The following ANO4 variants were observed in gnomAD, a reference collection of about 807,000 sequenced individuals.
The protein encoded by ANO4 is anoctamin-4.
In ANO4, 69 loss-of-function variants were observed where a neutral mutation model predicts 141.9. The ratio of observed to expected loss-of-function variants is 0.49; its 90% CI spans 0.40 to 0.59. The LOEUF (loss-of-function observed/expected upper bound fraction) is 0.59. Among genes scored for constraint, ANO4 ranks in the 20% least tolerant of loss-of-function variants. The pLI is 0.00. For missense variants in ANO4, 894 were observed against 1,162.2 expected (o/e 0.77, Z 3.36); for synonymous variants, 350 against 394.3 (o/e 0.89, Z 1.33).
intron 1 of ANO4, among the ~76,000 whole-genome samples, chr12:100,875,022 T>C (rs1487405133): frequency 6.6e-6 from 1 of 152,132 alleles, no homozygotes; most frequent in Non-Finnish European, 1.5e-5. Context: ...CTTTGGACCA[T>C]GGAGTTTTGA....
intron 3 of ANO4, among the ~76,000 whole-genome samples, chr12:100,752,624 G>C (rs1262928142): frequency 3.3e-5 from 5 of 151,958 alleles, no homozygotes; most frequent in Admixed American, 6.6e-5. Flanking sequence ...GTGTGTGTGA[G>C]GTCTGTTGTA....
Position 100,765,382 on chromosome 12 carries a change from T to TC in ANO4, c.358+25277_358+25278insC, listed in dbSNP as rs3058368. On this transcript the variant is annotated intron_variant, in intron 3 of 29. Transcript: ENST00000644049. ...TCTGTTTATATTTTCTTTCTTTCTT[T>TC]TTTTTTTTTTTTTTGAGACAGGGTT... Among the ~76,000 whole-genome samples the TC allele has an allele frequency of 4.5e-3, 662 of 146,288 alleles. 7 individuals are homozygous for TC. The highest frequency in any genetic ancestry group is 0.016 in the African/African-American group (622 of 39,762).
chr12:100,831,948 T>A (rs1408840762), intron 1 of ANO4, among the ~76,000 whole-genome samples: 1 of 152,140 alleles, frequency 6.6e-6, no homozygotes, highest in Admixed American at 6.6e-5. Flanking sequence ...TTAATATTTA[T>A]TGAGAAGTAT....
chr12:100,906,947 G>T (rs1218483033), intron 2 of ANO4, among the ~76,000 whole-genome samples: 6 of 152,186 alleles, frequency 3.9e-5, no homozygotes, highest in Non-Finnish European at 7.3e-5. Flanking sequence ...TTAGAGCAAG[G>T]TGAATGGGGC....
rs543803456 is a variant in ANO4, at chr12:100,848,887, C to T, written c.-140-52759C>T. On this transcript the variant is annotated intron_variant, in intron 1 of 27. Coordinates refer to ENST00000392977, the MANE Select transcript of ANO4 (RefSeq NM_001286615.2). ...GTGCCTTATCTCTTCCCTTTCTTTT[C>T]CTACTTATCACACTGTATTGATTTG... Among the ~76,000 whole-genome samples the T allele has an allele frequency of 1.7e-4, 26 of 152,230 alleles. No individual in the cohort carries two copies. In the South Asian group the frequency reaches 4.6e-3, roughly 27 times the overall value.
chr12:100,992,407 G>A (rs2045173961), intron 8 of ANO4, among the ~76,000 whole-genome samples: 1 of 152,006 alleles, frequency 6.6e-6, no homozygotes, highest in African/African-American at 2.4e-5. Flanking sequence ...CTCTGCCCCA[G>A]GACATTTGCA....
chr12:101,060,788 T>G (rs1263117289), intron 14 of ANO4, among the ~76,000 whole-genome samples: 3 of 152,194 alleles, frequency 2.0e-5, no homozygotes, highest in Non-Finnish European at 4.4e-5. Context: ...TGGAGATGGA[T>G]CTCCTGAATA....
intron 1 of ANO4, among the ~76,000 whole-genome samples, chr12:100,887,885 G>C (rs908894225): frequency 6.6e-6 from 1 of 152,204 alleles, no homozygotes; most frequent in Admixed American, 6.5e-5. Context: ...ATGTCTAGCT[G>C]TGGGAGGTCA....
intron 1 of ANO4, among the ~76,000 whole-genome samples, chr12:100,811,632 G>T (rs1158737028): frequency 6.6e-6 from 1 of 152,172 alleles, no homozygotes; most frequent in Non-Finnish European, 1.5e-5. Context: ...GATGAAATCA[G>T]AACTGAATGA....
At chr12:100,955,374 G>A (rs2043138061) in intron 5 of ANO4, among the ~76,000 whole-genome samples, 1 of 152,196 alleles carries the variant, frequency 6.6e-6, no homozygotes, top group Non-Finnish European at 1.5e-5. Context: ...TGAAAGCTCA[G>A]TCAGGGTTGT....
chr12:100,808,513 C>T (rs924915298), intron 1 of ANO4, among the ~76,000 whole-genome samples: 4 of 152,138 alleles, frequency 2.6e-5, no homozygotes, highest in Admixed American at 6.5e-5. Flanking sequence ...CCCAACCTGT[C>T]GTCACACAGG....
At chr12:100,762,273 C>G (rs1480668990) in intron 3 of ANO4, among the ~76,000 whole-genome samples, 1 of 152,080 alleles carries the variant, frequency 6.6e-6, no homozygotes, top group Non-Finnish European at 1.5e-5. Flanking sequence ...GGTGAAAATA[C>G]CACCTTTTTT....
At chr12:101,119,127 T>G (rs955626984) in intron 25 of ANO4, among the ~76,000 whole-genome samples, 1 of 152,048 alleles carries the variant, frequency 6.6e-6, no homozygotes, top group African/African-American at 2.4e-5. Context: ...TTGATGGAGC[T>G]TTCTTTTTCA....
chr12:101,081,310 G>A (rs2049268542), intron 15 of ANO4, among the ~76,000 whole-genome samples: 1 of 152,142 alleles, frequency 6.6e-6, no homozygotes, highest in Admixed American at 6.5e-5. Flanking sequence ...TCTGTAAAGT[G>A]TGGCCCTATT....
chr12:100,821,019 A>G (rs1230399295), intron 1 of ANO4, among the ~76,000 whole-genome samples: 2 of 152,054 alleles, frequency 1.3e-5, no homozygotes, highest in Non-Finnish European at 2.9e-5. Flanking sequence ...TGACTATGCC[A>G]TGGCCAGCAC....
In ANO4 at chr12:100,894,839, G is replaced by A. The variant is rs376842879; in HGVS notation, c.-140-6807G>A. 7.3e-4 allele frequency among the ~76,000 whole-genome samples: 110 copies of A among 151,616 alleles called. 1 individual carries two copies. The East Asian group carries it at 0.016, about 22-fold the overall frequency. On this transcript the variant is annotated intron_variant, in intron 1 of 27. Transcript: ENST00000392977. Reference sequence around the variant, plus strand: ...AAATTAGCCGGGCGTGGTGGCGGGCGCCTGTAGTCCCAGCTACTTGGGAGG... The same window carrying A: ...AAATTAGCCGGGCGTGGTGGCGGGCACCTGTAGTCCCAGCTACTTGGGAGG...
At chr12:100,820,284 TCAAA>T (rs775598789) in intron 1 of ANO4, among the ~76,000 whole-genome samples, 1 of 150,658 alleles carries the variant, frequency 6.6e-6, no homozygotes, top group Non-Finnish European at 1.5e-5. Flanking sequence ...GTAAACTCTT[TCAAA>T]CAGTTAATTT....
intron 3 of ANO4, among the ~76,000 whole-genome samples, chr12:100,764,860 T>C (rs902557058): frequency 3.3e-5 from 5 of 152,218 alleles, no homozygotes; most frequent in African/African-American, 1.2e-4. Context: ...TTTAATTCAT[T>C]GTGCTGATAT....
At chr12:100,821,483 A>G (rs1288984770) in intron 1 of ANO4, among the ~76,000 whole-genome samples, 1 of 152,054 alleles carries the variant, frequency 6.6e-6, no homozygotes, top group Admixed American at 6.6e-5. Context: ...TTTTTCTGCT[A>G]TCCCAATACC....
Sources: gnomAD v4.1 joint callset for allele counts (sites outside exome capture counted in the v4.1 genomes callset) on GRCh38, gnomAD v4.1.1 for gene constraint, MANE v1.5 for transcripts, NCBI Gene and HGNC (gene_info 2026-07-23, HGNC 2026-07-21) for gene names.